The following TNFRSF8 variants were observed in gnomAD, a reference collection of about 807,000 sequenced individuals.
The protein encoded by TNFRSF8 is tumor necrosis factor receptor superfamily member 8.
Under a neutral mutation model 70.8 loss-of-function variants are expected in TNFRSF8, and 26 were observed. The ratio of observed to expected loss-of-function variants is 0.37; its 90% CI spans 0.27 to 0.51. The LOEUF (loss-of-function observed/expected upper bound fraction) is 0.51. Among genes scored for constraint, TNFRSF8 ranks in the 20% least tolerant of loss-of-function variants. The probability of loss-of-function intolerance (pLI) is 0.94; values close to 1 mark genes in which losing one functional copy is unlikely to be tolerated. For synonymous variants in TNFRSF8, 356 were observed against 339.2 expected (o/e 1.05, Z -0.54); for missense variants, 720 against 807.9 (o/e 0.89, Z 1.32).
At chr1:12,084,327 G>A in intron 1 of TNFRSF8, 137 bp from the exon 2 acceptor site, 1 of 779,372 alleles carries the variant, frequency 1.3e-6, no homozygotes, top group Admixed American at 2.1e-5. Context: ...GTGTGGGTTT[G>A]TGGAATCAGG....
chr1:12,114,380 T>C (rs1337996949), intron 7 of TNFRSF8, among the ~76,000 whole-genome samples: 1 of 152,142 alleles, frequency 6.6e-6, no homozygotes, highest in East Asian at 1.9e-4. Context: ...CCCAAATGGT[T>C]TCATTCATTG....
At chr1:12,124,682 C>T (rs34712586) in intron 10 of TNFRSF8, among the ~76,000 whole-genome samples, 2 of 152,046 alleles carry the variant, frequency 1.3e-5, no homozygotes, top group Admixed American at 1.3e-4. Flanking sequence ...ATTAGCCAGG[C>T]GTGGTGGCGC....
chr1:12,103,748 C>T (rs2100994497), intron 3 of TNFRSF8, among the ~76,000 whole-genome samples: 1 of 152,332 alleles, frequency 6.6e-6, no homozygotes, highest in Non-Finnish European at 1.5e-5. Context: ...CTGCCTCGGC[C>T]TCCCAAAGTG....
At position 12,138,509 on chromosome 1, in the gene TNFRSF8, C is replaced by T; in HGVS notation, c.1543+73C>T. On this transcript the variant is annotated intron_variant, in intron 14 of 14. Transcript: ENST00000263932. The surrounding 1 kb of genome is among the most constrained non-coding windows in gnomAD (Gnocchi z 5.7). ...GGAGATGAATACGGGGCCCTGGGCCCTGGAAGGGACCTGGAGACCCTGGAG... is the reference window on the plus strand; with the variant it reads ...GGAGATGAATACGGGGCCCTGGGCCTTGGAAGGGACCTGGAGACCCTGGAG... The T allele has an allele frequency of 7.1e-7, 1 of 1,418,136 alleles. No homozygotes were observed. The highest frequency in any genetic ancestry group is 9.5e-7 in the Non-Finnish European group (1 of 1,054,798). The allele number at this position is 1,418,136 out of a possible 1,614,324, so 87.8% of individuals were successfully genotyped here.
chr1:12,142,774 G>A lies in TNFRSF8; in HGVS notation c.*243G>A, dbSNP rs186933088. 101 of 524,840 alleles carry A rather than the reference G, an allele frequency of 1.9e-4. No individual in the cohort carries two copies. In the East Asian group the frequency reaches 3.2e-3, roughly 16 times the overall value. 32.5% of individuals were successfully genotyped at this position (524,840 alleles called of 1,614,324 possible). ...TTGTACAGAAGAGACAGTCCAAGGG[G>A]ACTGGATCCCAGCAGTGATGTTGGT... On this transcript the variant is annotated 3_prime_UTR_variant, in exon 15 of 15. Transcript: ENST00000263932. The surrounding 1 kb of genome is among the most constrained non-coding windows in gnomAD (Gnocchi z 5.0).
At chr1:12,107,388 C>T (rs1308104670) in intron 4 of TNFRSF8, among the ~76,000 whole-genome samples, 1 of 149,548 alleles carries the variant, frequency 6.7e-6, no homozygotes, top group Admixed American at 6.6e-5. Flanking sequence ...GAGTTAGACT[C>T]TGTTTCAAAA....
intron 1 of TNFRSF8, among the ~76,000 whole-genome samples, chr1:12,069,298 C>T (rs1390042058): frequency 6.6e-6 from 1 of 151,016 alleles, no homozygotes; most frequent in Non-Finnish European, 1.5e-5. Context: ...CCTGCCTCAG[C>T]CTCCCAAGTA....
intron 8 of TNFRSF8, among the ~76,000 whole-genome samples, chr1:12,118,112 C>CA (rs1308155309): frequency 6.6e-6 from 1 of 151,978 alleles, no homozygotes; most frequent in Admixed American, 6.6e-5. Flanking sequence ...ACCCTCCCCC[C>CA]CCACCCTTTT....
rs766286654 is a variant in TNFRSF8, at chr1:12,142,372, A to G, written c.1629A>G (p.Pro543=). Residue 543 remains proline, a synonymous_variant, in exon 15 of 15, where the codon CCA becomes CCG. Transcript: ENST00000263932. This position sits in a 1 kb window ranked among gnomAD's most constrained non-coding sequence, Gnocchi z 5.0. ...ELPEGRGLAG[P]AEPELEEELE... The stretch of plus-strand genomic sequence containing the variant: ...CGGAGGGCCGGGGCCTGGCGGGGCC[A>G]GCAGAGCCCGAGTTGGAGGAGGAGC... The G allele has an allele frequency of 3.7e-6, 6 of 1,611,134 alleles. No individual in the cohort carries two copies. In the East Asian group the frequency reaches 1.3e-4, roughly 36 times the overall value.
chr1:12,131,450 A>AAAAC (rs928397317), intron 12 of TNFRSF8, among the ~76,000 whole-genome samples: 27 of 152,324 alleles, frequency 1.8e-4, no homozygotes, highest in South Asian at 8.3e-4. Context: ...CCTCCGTCTC[A>AAAAC]AAACAAACAA....
At position 12,126,543 on chromosome 1, in the gene TNFRSF8, C is replaced by T. The variant is rs1006530428; in HGVS notation, c.1309+307C>T. ...TTGTCTGTCACTTTTTCCTCCAGTACCCCCAGGGGGCATTCCTGCCAGCCT... is the reference window on the plus strand; with the variant it reads ...TTGTCTGTCACTTTTTCCTCCAGTATCCCCAGGGGGCATTCCTGCCAGCCT... On this transcript the variant is annotated intron_variant, in intron 12 of 14. Transcript: ENST00000263932. Among the ~76,000 whole-genome samples, 7 of 152,078 alleles carry T rather than the reference C, an allele frequency of 4.6e-5. 1 individual carries two copies. Among genetic ancestry groups the T allele is most frequent in the African/African-American group, 1.2e-4 (5 of 41,388 alleles).
chr1:12,142,759 GAGACAGTCCA>G lies in TNFRSF8; in HGVS notation c.*231_*240del, dbSNP rs1642280394. 1 of 584,822 alleles carries G rather than the reference GAGACAGTCCA, an allele frequency of 1.7e-6. No homozygotes were observed. The highest frequency in any genetic ancestry group is 2.3e-5 in the South Asian group (1 of 44,106). 36.2% of individuals were successfully genotyped at this position (584,822 alleles called of 1,614,324 possible). The stretch of plus-strand genomic sequence containing the variant: ...TAGGGGATCCGGGGCTTGTACAGAA[GAGACAGTCCA>G]AGGGGACTGGATCCCAGCAGTGATG... On this transcript the variant is annotated 3_prime_UTR_variant, in exon 15 of 15. Coordinates refer to ENST00000263932, the MANE Select transcript of TNFRSF8 (RefSeq NM_001243.5). This position sits in a 1 kb window ranked among gnomAD's most constrained non-coding sequence, Gnocchi z 5.0.
At chr1:12,071,108 A>G (rs1394651054) in intron 1 of TNFRSF8, among the ~76,000 whole-genome samples, 1 of 152,190 alleles carries the variant, frequency 6.6e-6, no homozygotes, top group East Asian at 1.9e-4. Flanking sequence ...GCAAATTAGC[A>G]CACATTTGGT....
intron 4 of TNFRSF8, among the ~76,000 whole-genome samples, chr1:12,105,939 CAAAAAAAA>C (rs748432437): frequency 1.5e-5 from 1 of 64,922 alleles, no homozygotes; most frequent in African/African-American, 5.3e-5. Context: ...GACTCCGTCT[CAAAAAAAA>C]AAAAAAAAAA....
chr1:12,091,621 G>A (rs1466523504), intron 2 of TNFRSF8, among the ~76,000 whole-genome samples: 1 of 152,136 alleles, frequency 6.6e-6, no homozygotes, highest in Non-Finnish European at 1.5e-5. Flanking sequence ...GATCTGGCTG[G>A]GTGTGAAGGG....
chr1:12,138,394 C>T lies in TNFRSF8; in HGVS notation c.1501C>T (p.Pro501Ser), dbSNP rs763040457. 1.2e-6 allele frequency: 2 copies of T among 1,613,478 alleles called. No individual in the cohort carries two copies. Among genetic ancestry groups the T allele is most frequent in the Non-Finnish European group, 1.7e-6 (2 of 1,179,822 alleles). The change falls in exon 14 of 15, where the codon CCT becomes TCT. Residue 501 changes from proline to serine, a missense_variant. Physicochemically the swap from Pro to Ser is moderately conservative, Grantham distance 74. Coordinates refer to ENST00000263932, the MANE Select transcript of TNFRSF8 (RefSeq NM_001243.5). The surrounding 1 kb of genome is among the most constrained non-coding windows in gnomAD (Gnocchi z 5.7). Reference sequence around the variant, plus strand: ...GGGCCCCTCGTCCCCCAGGGACCTTCCTGAGCCCCGGGTGTCCACGGAGCA... The same window carrying T: ...GGGCCCCTCGTCCCCCAGGGACCTTTCTGAGCCCCGGGTGTCCACGGAGCA... ...AGGPSSPRDL[P>S]EPRVSTEHTN...
rs1403270824 is a variant in TNFRSF8 at position 12,113,116 on chromosome 1, C to T, written c.793+1102C>T. On this transcript the variant is annotated intron_variant, in intron 7 of 14. Transcript: ENST00000263932. The surrounding 1 kb of genome is among the most constrained non-coding windows in gnomAD (Gnocchi z 4.9). ...GAATTCAGACAGGGCACTGCGGGGA[C>T]AGCTTGTCTCTGCTCCACAATGTCT... Among the ~76,000 whole-genome samples the T allele has an allele frequency of 1.3e-5, 2 of 152,216 alleles. No homozygotes were observed. Among genetic ancestry groups the T allele is most frequent in the Non-Finnish European group, 2.9e-5 (2 of 68,038 alleles).
intron 4 of TNFRSF8, among the ~76,000 whole-genome samples, chr1:12,105,041 G>A (rs1641496375): frequency 6.6e-6 from 1 of 152,194 alleles, no homozygotes. Flanking sequence ...AGTACAAGGT[G>A]TCAGGGCTGC....
chr1:12,088,987 G>GC lies in TNFRSF8; in HGVS notation c.151+4442dup, dbSNP rs1641201144. 1.3e-5 allele frequency among the ~76,000 whole-genome samples: 2 copies of GC among 152,026 alleles called. No individual in the cohort carries two copies. Among genetic ancestry groups the GC allele is most frequent in the South Asian group, 2.1e-4 (1 of 4,822 alleles). On this transcript the variant is annotated intron_variant, in intron 2 of 14. Transcript: ENST00000263932. The surrounding 1 kb of genome is among the most constrained non-coding windows in gnomAD (Gnocchi z 4.0). ...CAGAGCCCCCTCACAGCACCTCCTG[G>GC]CCCCCCACTGTCCCTGTGTGCTTGA...
Sources: gnomAD v4.1 joint callset for allele counts (sites outside exome capture counted in the v4.1 genomes callset) on GRCh38, gnomAD v4.1.1 for gene constraint, Gnocchi (gnomAD v3.1) non-coding constraint, MANE v1.5 for transcripts, NCBI Gene and HGNC (gene_info 2026-07-23, HGNC 2026-07-21) for gene names.